Variants in MAPK8 observed in about 807,000 individuals in gnomAD.
MAPK8 encodes JUN N-terminal kinase.
In MAPK8, 13 loss-of-function variants were observed where a neutral mutation model predicts 52.9. The observed-to-expected ratio is 0.25, with a 90% CI of 0.16 to 0.39. The LOEUF is 0.39. MAPK8 is among the 10% of genes least tolerant of loss of function. MAPK8 has a pLI of 1.00. For synonymous variants in MAPK8, 191 were observed against 169.8 expected, an observed-to-expected ratio of 1.12 and a Z score of -0.97; for missense variants, 300 against 519.2, an observed-to-expected ratio of 0.58 and a Z score of 4.10.
At chr10:48,322,216 C>T (rs1219245302) in intron 1 of MAPK8, among the ~76,000 whole-genome samples, 2 of 151,686 alleles carry the variant, frequency 1.3e-5, no homozygotes, top group African/African-American at 4.8e-5. Context: ...TATGGGAATT[C>T]CTAAAGAATT....
chr10:48,335,471 C>A (rs1214071123), intron 1 of MAPK8, among the ~76,000 whole-genome samples: 1 of 152,138 alleles, frequency 6.6e-6, no homozygotes, highest in African/African-American at 2.4e-5. Context: ...ATCTCACCAG[C>A]AAAATCATTG....
rs1412312796 is a variant in MAPK8 at position 48,331,091 on chromosome 10, C to A, written c.-50+24270C>A. 2.6e-5 allele frequency among the ~76,000 whole-genome samples: 4 copies of A among 152,128 alleles called. No homozygotes were observed. The South Asian group carries it at 6.2e-4, about 24-fold the overall frequency. On this transcript the variant is annotated intron_variant, in intron 1 of 11. Coordinates refer to ENST00000374189, the MANE Select transcript of MAPK8 (RefSeq NM_001323329.2). ...GGGTCTCCAGCTTAGAGTTACCCAC[C>A]CCGTTTACTGTCCAACCCTGAAAAT...
intron 1 of MAPK8, among the ~76,000 whole-genome samples, chr10:48,391,825 A>G (rs182629349): frequency 2.0e-5 from 3 of 152,264 alleles, no homozygotes; most frequent in African/African-American, 7.2e-5. Flanking sequence ...GGTTAGATTA[A>G]TTTGCTAGAG....
chr10:48,361,626 A>T (rs1230146883), intron 1 of MAPK8, among the ~76,000 whole-genome samples: 2 of 152,116 alleles, frequency 1.3e-5, no homozygotes, highest in African/African-American at 4.8e-5. Flanking sequence ...ACTTCATACT[A>T]CTAACATTGC....
At chr10:48,341,681 T>C (rs1845279376) in intron 1 of MAPK8, among the ~76,000 whole-genome samples, 1 of 152,188 alleles carries the variant, frequency 6.6e-6, no homozygotes, top group Non-Finnish European at 1.5e-5. Flanking sequence ...GAGTTTATAG[T>C]CTAGTGAAGA....
chr10:48,424,384 T>C lies in MAPK8; in HGVS notation c.688+225T>C, dbSNP rs567631318. 208 of 652,366 alleles carry C rather than the reference T, an allele frequency of 3.2e-4. 2 individuals carry two copies. In the Admixed American group the frequency reaches 5.3e-3, roughly 17 times the overall value. The allele number at this position is 652,366 out of a possible 1,614,324, so 40.4% of individuals were successfully genotyped here. ...GCTGGTAGTCAGAGCACATTCACTGTCACTCATTTTTATTTTATACTGCTT... is the reference window on the plus strand; with the variant it reads ...GCTGGTAGTCAGAGCACATTCACTGCCACTCATTTTTATTTTATACTGCTT... On this transcript the variant is annotated intron_variant, in intron 7 of 11. Coordinates refer to ENST00000374189, the MANE Select transcript of MAPK8 (RefSeq NM_001323329.2).
chr10:48,365,853 T>C (rs564453887), intron 1 of MAPK8, among the ~76,000 whole-genome samples: 1 of 152,310 alleles, frequency 6.6e-6, no homozygotes, highest in South Asian at 2.1e-4. Flanking sequence ...TGGATTACAA[T>C]TATCTCTTGA....
intron 1 of MAPK8, among the ~76,000 whole-genome samples, chr10:48,400,997 G>GACCCA (rs2042132483): frequency 1.3e-5 from 2 of 152,088 alleles, no homozygotes; most frequent in Non-Finnish European, 2.9e-5. Context: ...TCTCCTTTCT[G>GACCCA]TTTTGCTTCT....
Position 48,438,301 on chromosome 10 carries a change from G to C in MAPK8, c.*3272G>C, listed in dbSNP as rs891252694. 6 of 152,204 alleles carry C rather than the reference G, an allele frequency of 3.9e-5. No individual in the cohort carries two copies. Among genetic ancestry groups the C allele is most frequent in the African/African-American group, 1.2e-4 (5 of 41,446 alleles). The allele number at this position is 152,204 out of a possible 1,614,324, so 9.4% of individuals were successfully genotyped here. A position where few individuals can be genotyped will look rare whatever the true frequency, so the allele number is the denominator to read the frequency against. ...TTTTTGTGTGCATTGTGTTTCTACT[G>C]ATCTCTCTTAGGTTTTTACGGAATC... On this transcript the variant is annotated 3_prime_UTR_variant, in exon 12 of 12. Transcript: ENST00000374189.
At chr10:48,394,062 A>G (rs1273960684) in intron 1 of MAPK8, among the ~76,000 whole-genome samples, 2 of 151,954 alleles carry the variant, frequency 1.3e-5, no homozygotes, top group Non-Finnish European at 2.9e-5. Context: ...CTTGAAAAAC[A>G]CAAACTAACA....
chr10:48,321,495 G>A (rs1468111823), intron 1 of MAPK8, among the ~76,000 whole-genome samples: 1 of 152,132 alleles, frequency 6.6e-6, no homozygotes, highest in Non-Finnish European at 1.5e-5. Context: ...GGCATCATTT[G>A]TAGCACAAAA....
chr10:48,370,289 A>G (rs1448064479), intron 1 of MAPK8, among the ~76,000 whole-genome samples: 1 of 152,170 alleles, frequency 6.6e-6, no homozygotes, highest in Admixed American at 6.6e-5. Context: ...TTTGTAATAG[A>G]TACTGTAGAA....
At chr10:48,393,409 A>G (rs2041728488) in intron 1 of MAPK8, among the ~76,000 whole-genome samples, 1 of 152,214 alleles carries the variant, frequency 6.6e-6, no homozygotes, top group African/African-American at 2.4e-5. Context: ...TACCCCTTAC[A>G]TTGTAACCAT....
chr10:48,412,135 C>G (rs1172885903), intron 5 of MAPK8, among the ~76,000 whole-genome samples: 1 of 152,208 alleles, frequency 6.6e-6, no homozygotes, highest in Non-Finnish European at 1.5e-5. Context: ...CGTGAACCAC[C>G]CCACCTGGCC....
intron 1 of MAPK8, among the ~76,000 whole-genome samples, chr10:48,394,268 C>A (rs535724072): frequency 4.2e-4 from 64 of 152,042 alleles, no homozygotes; most frequent in African/African-American, 1.5e-3. Context: ...TGTTGCAACT[C>A]ATTTTATGTC....
At chr10:48,383,480 A>G (rs1438346136) in intron 1 of MAPK8, among the ~76,000 whole-genome samples, 1 of 152,190 alleles carries the variant, frequency 6.6e-6, no homozygotes, top group Non-Finnish European at 1.5e-5. Context: ...TTTCTCTCCT[A>G]AGCTAAAGAT....
At chr10:48,370,728 G>A (rs1336614731) in intron 1 of MAPK8, among the ~76,000 whole-genome samples, 1 of 152,078 alleles carries the variant, frequency 6.6e-6, no homozygotes, top group Non-Finnish European at 1.5e-5. Context: ...AAACATGGAA[G>A]GAAGAGCAAG....
At chr10:48,341,758 G>T (rs991653689) in intron 1 of MAPK8, among the ~76,000 whole-genome samples, 11 of 152,198 alleles carry the variant, frequency 7.2e-5, no homozygotes, top group African/African-American at 2.7e-4. Flanking sequence ...AGAACATGGT[G>T]CCATGAAAGT....
chr10:48,347,811 G>A (rs972294443), intron 1 of MAPK8, among the ~76,000 whole-genome samples: 1 of 152,146 alleles, frequency 6.6e-6, no homozygotes, highest in African/African-American at 2.4e-5. Flanking sequence ...TGGGCATTTG[G>A]GTTGGTTCCC....
Sources: gnomAD v4.1 joint callset for allele counts (sites outside exome capture counted in the v4.1 genomes callset) on GRCh38, gnomAD v4.1.1 for gene constraint, MANE v1.5 for transcripts, NCBI Gene and HGNC (gene_info 2026-07-23, HGNC 2026-07-21) for gene names.